The following CNTNAP4 variants were observed in gnomAD, a reference collection of about 807,000 sequenced individuals.
The protein encoded by CNTNAP4 is contactin-associated protein-like 4.
In CNTNAP4, 98 loss-of-function variants were observed where a neutral mutation model predicts 148.4. The ratio of observed to expected loss-of-function variants is 0.66; its 90% CI spans 0.56 to 0.78. The LOEUF (loss-of-function observed/expected upper bound fraction) is 0.78, where lower values mean the gene tolerates loss of function less well. Among genes scored for constraint, CNTNAP4 ranks in the 30% least tolerant of loss-of-function variants. CNTNAP4 has a pLI of 0.00. For missense variants in CNTNAP4, 1,935 were observed against 1,565.6 expected (o/e 1.24, Z -3.98); for synonymous variants, 730 against 565.1 (o/e 1.29, Z -4.14).
rs1317456269 is a variant in CNTNAP4 at position 76,277,425 on chromosome 16, G to C, written c.-238G>C. On this transcript the variant is annotated 5_prime_UTR_variant, in exon 1 of 24. Coordinates refer to ENST00000611870, the MANE Select transcript of CNTNAP4 (RefSeq NM_033401.5). ...TGCTTTTCAGTGAGGAGTCAGGGAG[G>C]TGTGTGTGAGAGAGAGAGAGAAAAG... 2.1e-6 allele frequency: 1 copy of C among 485,100 alleles called. No homozygotes were observed. Among genetic ancestry groups the C allele is most frequent in the African/African-American group, 1.9e-5 (1 of 51,330 alleles). The allele number at this position is 485,100 out of a possible 1,614,324, so 30.0% of individuals were successfully genotyped here. A position where few individuals can be genotyped will look rare whatever the true frequency, so the allele number is the denominator to read the frequency against.
chr16:76,460,442 T>C (rs925509082), intron 8 of CNTNAP4, among the ~76,000 whole-genome samples: 5 of 151,512 alleles, frequency 3.3e-5, no homozygotes, highest in Non-Finnish European at 7.4e-5. Flanking sequence ...AACATTTCTG[T>C]TCAGTCCCTT....
chr16:76,419,233 T>G (rs1391765636), intron 3 of CNTNAP4, among the ~76,000 whole-genome samples: 1 of 151,970 alleles, frequency 6.6e-6, no homozygotes, highest in African/African-American at 2.4e-5. Flanking sequence ...CTGTTGCTTT[T>G]TTTTCCTTAG....
At chr16:76,295,063 CT>C (rs1959200961) in intron 1 of CNTNAP4, among the ~76,000 whole-genome samples, 1 of 152,204 alleles carries the variant, frequency 6.6e-6, no homozygotes, top group Non-Finnish European at 1.5e-5. Context: ...AGCTTTGCCA[CT>C]TCCTGGTCCT....
intron 4 of CNTNAP4, 111 bp downstream of exon 4, chr16:76,427,710 A>G (rs756749025): frequency 3.8e-5 from 39 of 1,033,728 alleles, no homozygotes; most frequent in Admixed American, 6.8e-5. Context: ...TATAAAAAAT[A>G]GGAATAATTT....
intron 2 of CNTNAP4, among the ~76,000 whole-genome samples, chr16:76,337,647 G>C (rs1442719333): frequency 6.6e-6 from 1 of 152,174 alleles, no homozygotes; most frequent in Non-Finnish European, 1.5e-5. Context: ...CAACTGATCT[G>C]ACTAGAATTC....
chr16:76,299,430 C>T (rs937307404), intron 1 of CNTNAP4, among the ~76,000 whole-genome samples: 1 of 152,136 alleles, frequency 6.6e-6, no homozygotes, highest in South Asian at 2.1e-4. Flanking sequence ...AAATGCAAAT[C>T]AAAACCACAA....
intron 1 of CNTNAP4, among the ~76,000 whole-genome samples, chr16:76,301,628 T>C (rs947984575): frequency 6.6e-6 from 1 of 152,192 alleles, no homozygotes; most frequent in Non-Finnish European, 1.5e-5. Flanking sequence ...CAGTTTTTAC[T>C]GGCGTGGTCC....
rs1168676610 is a variant in CNTNAP4, at chr16:76,508,740, T to C, written c.2365+10046T>C. 6.1e-5 allele frequency among the ~76,000 whole-genome samples: 5 copies of C among 82,574 alleles called. 1 individual carries two copies. The highest frequency in any genetic ancestry group is 1.4e-4 in the African/African-American group (5 of 36,538). The allele number at this position is 82,574 out of a possible 152,430, so 54.2% of individuals were successfully genotyped here. A position where few individuals can be genotyped will look rare whatever the true frequency, so the allele number is the denominator to read the frequency against. ...TCTTAAATATTAATGACTGACTTGA[T>C]ACAAAATCATAACTTTTTTTTTTTT... On this transcript the variant is annotated intron_variant, in intron 15 of 23. Coordinates refer to ENST00000611870, the MANE Select transcript of CNTNAP4 (RefSeq NM_033401.5).
At chr16:76,350,618 G>T (rs1192541584) in intron 2 of CNTNAP4, among the ~76,000 whole-genome samples, 1 of 152,146 alleles carries the variant, frequency 6.6e-6, no homozygotes, top group East Asian at 1.9e-4. Flanking sequence ...GCTCAACTTT[G>T]CTGTGATCAT....
chr16:76,414,193 G>T (rs1597462124), intron 3 of CNTNAP4, among the ~76,000 whole-genome samples: 1 of 151,294 alleles, frequency 6.6e-6, no homozygotes, highest in African/African-American at 2.4e-5. Context: ...GATTTTTACA[G>T]ATACTCTTTG....
At chr16:76,522,943 T>G (rs8060299) in intron 17 of CNTNAP4, among the ~76,000 whole-genome samples, 11,585 of 151,432 alleles carry the variant, frequency 0.077, 616 homozygotes, top group African/African-American at 0.15. Context: ...GTTTGTATTT[T>G]TAGTAGAAAT....
intron 21 of CNTNAP4, among the ~76,000 whole-genome samples, chr16:76,544,644 A>G (rs1424222880): frequency 6.6e-6 from 1 of 152,202 alleles, no homozygotes; most frequent in Non-Finnish European, 1.5e-5. Context: ...TTTGCTTTTT[A>G]TATTTAATTT....
intron 15 of CNTNAP4, among the ~76,000 whole-genome samples, chr16:76,501,238 A>C (rs1012341448): frequency 6.6e-6 from 1 of 152,258 alleles, no homozygotes; most frequent in African/African-American, 2.4e-5. Flanking sequence ...ATGAGGTTGT[A>C]AACTTCGGAT....
intron 3 of CNTNAP4, among the ~76,000 whole-genome samples, chr16:76,357,217 A>C (rs1470199634): frequency 2.0e-5 from 3 of 152,220 alleles, no homozygotes; most frequent in African/African-American, 7.2e-5. Flanking sequence ...AGATGTTTGG[A>C]TTATCTTCTG....
At chr16:76,531,739 T>G (rs1247859647) in intron 17 of CNTNAP4, among the ~76,000 whole-genome samples, 1 of 152,166 alleles carries the variant, frequency 6.6e-6, no homozygotes, top group South Asian at 2.1e-4. Context: ...AATAGTTACA[T>G]CTGAAAATAA....
intron 3 of CNTNAP4, among the ~76,000 whole-genome samples, chr16:76,371,099 G>A (rs1042052079): frequency 2.6e-5 from 4 of 152,024 alleles, no homozygotes; most frequent in African/African-American, 7.2e-5. Flanking sequence ...ATCAATTATC[G>A]ATTCAATTCT....
chr16:76,452,364 T>C (rs1407376536), intron 7 of CNTNAP4, 144 bp from the exon 8 acceptor site: 5 of 686,826 alleles, frequency 7.3e-6, no homozygotes, highest in African/African-American at 1.8e-5. Flanking sequence ...TTAAGAAATA[T>C]GGCAGTGGTT....
chr16:76,279,219 T>TA (rs1453525347), intron 1 of CNTNAP4, among the ~76,000 whole-genome samples: 4 of 152,174 alleles, frequency 2.6e-5, no homozygotes, highest in African/African-American at 9.6e-5. Flanking sequence ...AGGTCACTCT[T>TA]ACAATGTAAA....
chr16:76,553,146 C>T, intron 21 of CNTNAP4, 137 bp from the exon 22 acceptor site: 1 of 583,092 alleles, frequency 1.7e-6, no homozygotes, highest in Non-Finnish European at 3.1e-6. Context: ...GGATTTTTAT[C>T]TTTTTAGTAA....
Sources: gnomAD v4.1 joint callset for allele counts (sites outside exome capture counted in the v4.1 genomes callset) on GRCh38, gnomAD v4.1.1 for gene constraint, MANE v1.5 for transcripts, NCBI Gene and HGNC (gene_info 2026-07-23, HGNC 2026-07-21) for gene names.